ADK: variants seen among roughly 807,000 people sequenced by gnomAD.
The protein encoded by ADK is adenosine kinase.
In ADK, 24 loss-of-function variants were observed where a neutral mutation model predicts 44.7. That is an observed-to-expected ratio of 0.54 (90% CI 0.39 to 0.76). The LOEUF (loss-of-function observed/expected upper bound fraction) is 0.76. ADK is among the 30% of genes least tolerant of loss of function. ADK has a pLI of 0.00. For synonymous variants in ADK, 128 were observed against 142.6 expected, an observed-to-expected ratio of 0.90 and a Z score of 0.73; for missense variants, 321 against 425.1, an observed-to-expected ratio of 0.76 and a Z score of 2.15.
At chr10:74,606,429 G>A (rs945426930) in intron 9 of ADK, among the ~76,000 whole-genome samples, 15 of 150,040 alleles carry the variant, frequency 1.0e-4, no homozygotes, top group Admixed American at 2.7e-4. Context: ...CCAGAGATTC[G>A]TTGGGTCTCT....
At chr10:74,530,055 AT>A (rs1398974323) in intron 7 of ADK, among the ~76,000 whole-genome samples, 2 of 152,154 alleles carry the variant, frequency 1.3e-5, no homozygotes, top group East Asian at 3.8e-4. Context: ...TCAAAATCAG[AT>A]TTTTTTAAAT....
At chr10:74,276,181 A>G (rs1846669688) in intron 3 of ADK, among the ~76,000 whole-genome samples, 1 of 152,104 alleles carries the variant, frequency 6.6e-6, no homozygotes, top group Non-Finnish European at 1.5e-5. Flanking sequence ...TTTCCCCTAA[A>G]TCTGCTGAAT....
chr10:74,184,501 TTGTGTGTGTGTGTGTG>T (rs67693938), intron 1 of ADK, among the ~76,000 whole-genome samples: 163 of 138,508 alleles, frequency 1.2e-3, no homozygotes, highest in Non-Finnish European at 1.7e-3. Flanking sequence ...TGGCTATATT[TTGTGTGTGTGTGTGTG>T]TGTGTGTGTG....
At chr10:74,640,159 G>A (rs1853788949) in intron 9 of ADK, among the ~76,000 whole-genome samples, 1 of 152,180 alleles carries the variant, frequency 6.6e-6, no homozygotes, top group Admixed American at 6.5e-5. Context: ...CAGTAGGCAT[G>A]AGAGAAGGAC....
chr10:74,213,497 T>G (rs1843900519), intron 2 of ADK, among the ~76,000 whole-genome samples: 1 of 151,054 alleles, frequency 6.6e-6, no homozygotes, highest in Admixed American at 6.7e-5. Context: ...TGGCTGGTAT[T>G]TAAAGCAACC....
intron 4 of ADK, among the ~76,000 whole-genome samples, chr10:74,341,073 A>G (rs1841567010): frequency 6.6e-6 from 1 of 152,160 alleles, no homozygotes; most frequent in South Asian, 2.1e-4. Context: ...ACTTGTTCTC[A>G]TTTCATTGTG....
chr10:74,535,498 A>G (rs955632083), intron 7 of ADK, among the ~76,000 whole-genome samples: 2 of 152,054 alleles, frequency 1.3e-5, no homozygotes, highest in African/African-American at 4.8e-5. Flanking sequence ...ATGAGAATTC[A>G]TAAACTATGA....
At position 74,706,654 on chromosome 10, in the gene ADK, A is replaced by T. The variant is rs186640414; in HGVS notation, c.965-1667A>T. ...CTTGGTTATTATCATTCTATAATAA[A>T]TTTTGAAATCAGGTAGTATAAATCC... On this transcript the variant is annotated intron_variant, in intron 10 of 10. Coordinates refer to ENST00000539909, the MANE Select transcript of ADK (RefSeq NM_006721.4). Among the ~76,000 whole-genome samples, 610 of 152,324 alleles carry T rather than the reference A, an allele frequency of 4.0e-3. 4 individuals carry two copies. Among genetic ancestry groups the T allele is most frequent in the African/African-American group, 0.014 (572 of 41,572 alleles).
intron 7 of ADK, among the ~76,000 whole-genome samples, chr10:74,572,901 C>T (rs1346468156): frequency 1.3e-5 from 2 of 152,150 alleles, no homozygotes; most frequent in Non-Finnish European, 2.9e-5. Flanking sequence ...GTTATATATT[C>T]ATCTAAATTT....
chr10:74,471,117 C>G (rs1330420450), intron 6 of ADK, among the ~76,000 whole-genome samples: 1 of 150,878 alleles, frequency 6.6e-6, no homozygotes, highest in Admixed American at 6.6e-5. Flanking sequence ...CTCTGTTGCC[C>G]AGGCTGGAGT....
chr10:74,323,574 C>CTTT (rs869227224), intron 4 of ADK, among the ~76,000 whole-genome samples: 1 of 143,726 alleles, frequency 7.0e-6, no homozygotes, highest in African/African-American at 2.5e-5. Context: ...CTTTTCTTTT[C>CTTT]TTTTTTTTTT....
At chr10:74,648,077 AGTATATATAT>A (rs1854117445) in intron 9 of ADK, among the ~76,000 whole-genome samples, 1 of 152,060 alleles carries the variant, frequency 6.6e-6, no homozygotes, top group Admixed American at 6.5e-5. Flanking sequence ...TTATTTAAAA[AGTATATATAT>A]GTATATATAT....
chr10:74,217,036 G>A (rs1260208009), intron 2 of ADK, among the ~76,000 whole-genome samples: 2 of 152,230 alleles, frequency 1.3e-5, no homozygotes, highest in Non-Finnish European at 2.9e-5. Context: ...TGCGTGCAGC[G>A]CACCGTGCAT....
At chr10:74,243,743 G>T (rs1349125494) in intron 3 of ADK, among the ~76,000 whole-genome samples, 1 of 152,098 alleles carries the variant, frequency 6.6e-6, no homozygotes, top group Non-Finnish European at 1.5e-5. Flanking sequence ...CACACTTGTG[G>T]TCCCAGCTAC....
chr10:74,302,208 A>G (rs760172795), intron 3 of ADK, among the ~76,000 whole-genome samples: 1 of 134,392 alleles, frequency 7.4e-6, no homozygotes, highest in African/African-American at 2.9e-5. Context: ...GGCTCGCTGC[A>G]ACCCCTACCT....
At chr10:74,558,205 T>A (rs1850332531) in intron 7 of ADK, among the ~76,000 whole-genome samples, 1 of 152,222 alleles carries the variant, frequency 6.6e-6, no homozygotes, top group Non-Finnish European at 1.5e-5. Context: ...TTTTCTTAAA[T>A]TTATTTATTA....
intron 7 of ADK, among the ~76,000 whole-genome samples, chr10:74,571,429 T>C (rs1256617394): frequency 6.6e-6 from 1 of 152,214 alleles, no homozygotes; most frequent in African/African-American, 2.4e-5. Context: ...GGACTCTTTT[T>C]GGTTGGTAAG....
chr10:74,502,001 G>T (rs10824193), intron 6 of ADK, among the ~76,000 whole-genome samples: 18,462 of 152,026 alleles, frequency 0.12, 1,197 homozygotes, highest in Middle Eastern at 0.17. Flanking sequence ...GAAATCAGTT[G>T]ATTTAAGACT....
At chr10:74,458,152 G>A (rs1445320726) in intron 6 of ADK, among the ~76,000 whole-genome samples, 6 of 117,932 alleles carry the variant, frequency 5.1e-5, no homozygotes, top group African/African-American at 1.9e-4. Context: ...TTTTTGGGGG[G>A]AGAAGGTCTC....
Sources: allele counts gnomAD v4.1 joint callset (sites outside exome capture counted in the v4.1 genomes callset), GRCh38; gene constraint gnomAD v4.1.1; transcripts MANE v1.5; gene names NCBI Gene and HGNC (gene_info 2026-07-23, HGNC 2026-07-21).